Variants in CHLSN observed in about 807,000 individuals in gnomAD.
CHLSN encodes the protein protein cholesin.
At chr7:1,058,563 C>A in the CHLSN span, 1 of 735,472 alleles carries the variant, frequency 1.4e-6, no homozygotes, top group South Asian at 1.5e-5. Flanking sequence ...GGACGCAGAG[C>A]ACTTAGTTAC....
the CHLSN span, among the ~76,000 whole-genome samples, chr7:1,039,236 G>T: frequency 4.9e-5 from 2 of 40,780 alleles, no homozygotes; most frequent in Non-Finnish European, 8.6e-5. Flanking sequence ...GGAGGGAGGT[G>T]GGGGGGGTCA....
chr7:1,093,387 A>T, the CHLSN span: 1 of 445,334 alleles, frequency 2.2e-6, no homozygotes, highest in Admixed American at 2.4e-5. Flanking sequence ...CGCCGAGTTA[A>T]AGAGGAGAAG....
At chr7:1,011,271 AC>A in the CHLSN span, among the ~76,000 whole-genome samples, 1 of 122,404 alleles carries the variant, frequency 8.2e-6, no homozygotes, top group Non-Finnish European at 1.7e-5. Context: ...ACACACCCAC[AC>A]CCAGATACCC....
chr7:992,334 A>C, the CHLSN span, among the ~76,000 whole-genome samples: 2 of 152,112 alleles, frequency 1.3e-5, no homozygotes, highest in South Asian at 4.1e-4. Context: ...GCAAAACAAA[A>C]CCACACAGTC....
the CHLSN span, among the ~76,000 whole-genome samples, chr7:1,085,837 A>G: frequency 8.5e-5 from 13 of 152,196 alleles, no homozygotes; most frequent in African/African-American, 3.1e-4. Flanking sequence ...TGTCTCAAAA[A>G]AAAAAAAAGA....
chr7:1,023,751 G>A, the CHLSN span, among the ~76,000 whole-genome samples: 2 of 152,142 alleles, frequency 1.3e-5, no homozygotes, highest in African/African-American at 2.4e-5. This position sits in a 1 kb window ranked among gnomAD's most constrained non-coding sequence, Gnocchi z 5.0. Context: ...AGGATCTCCA[G>A]GGGTGACTGC....
the CHLSN span, among the ~76,000 whole-genome samples, chr7:1,089,406 G>A: frequency 2.2e-5 from 3 of 138,624 alleles, no homozygotes; most frequent in Admixed American, 7.2e-5. Flanking sequence ...GCTCAGGCTC[G>A]AGTGCAGTGG....
the CHLSN span, among the ~76,000 whole-genome samples, chr7:1,073,841 C>T: frequency 5.3e-4 from 39 of 73,748 alleles, 1 homozygote; most frequent in African/African-American, 2.2e-3. Flanking sequence ...CCGTGATGTT[C>T]CCCCAACCCT....
chr7:1,093,831 T>C, the CHLSN span: 1 of 334,918 alleles, frequency 3.0e-6, no homozygotes, highest in Admixed American at 3.6e-5. Flanking sequence ...GGCTCTGTCT[T>C]GGGGGTCTGC....
the CHLSN span, among the ~76,000 whole-genome samples, chr7:1,002,866 G>A: frequency 2.0e-5 from 2 of 102,104 alleles, no homozygotes; most frequent in African/African-American, 4.2e-5. Flanking sequence ...GTGGGTGAGT[G>A]GAGTCCTGTG....
chr7:979,454 A>T, the CHLSN span, among the ~76,000 whole-genome samples: 2 of 152,056 alleles, frequency 1.3e-5, no homozygotes, highest in African/African-American at 4.8e-5. Flanking sequence ...TATCTTTTTA[A>T]AAAACGCAGT....
the CHLSN span, among the ~76,000 whole-genome samples, chr7:1,076,421 C>T: frequency 6.6e-6 from 1 of 152,140 alleles, no homozygotes; most frequent in East Asian, 1.9e-4. Flanking sequence ...GGAGCACCTC[C>T]CTCCCAGGCA....
At chr7:1,085,857 C>T in the CHLSN span, among the ~76,000 whole-genome samples, 1 of 151,834 alleles carries the variant, frequency 6.6e-6, no homozygotes, top group African/African-American at 2.4e-5. Flanking sequence ...ATTTAAAAAT[C>T]GGCAAAAGGT....
At chr7:1,014,435 C>T in the CHLSN span, among the ~76,000 whole-genome samples, 22 of 152,390 alleles carry the variant, frequency 1.4e-4, no homozygotes, top group African/African-American at 5.0e-4. Flanking sequence ...CCGCCCACCC[C>T]ACCCGTCCAT....
the CHLSN span, among the ~76,000 whole-genome samples, chr7:1,011,546 C>T: frequency 6.6e-6 from 1 of 151,118 alleles, no homozygotes; most frequent in African/African-American, 2.4e-5. Flanking sequence ...CACCCACAAA[C>T]ACCCAGATAC....
chr7:1,095,549 G>A, the CHLSN span, among the ~76,000 whole-genome samples: 781 of 152,352 alleles, frequency 5.1e-3, 4 homozygotes, highest in African/African-American at 0.018. Flanking sequence ...AGGGGCAAGG[G>A]CAGACGCTTT....
the CHLSN span, among the ~76,000 whole-genome samples, chr7:1,065,296 C>T: frequency 6.6e-6 from 1 of 152,250 alleles, no homozygotes; most frequent in Non-Finnish European, 1.5e-5. Flanking sequence ...CATCTGTCCC[C>T]GCTGTCCCAA....
At chr7:1,088,978 G>A in the CHLSN span, among the ~76,000 whole-genome samples, 16 of 151,972 alleles carry the variant, frequency 1.1e-4, no homozygotes, top group Admixed American at 5.2e-4. The surrounding 1 kb of genome is among the most constrained non-coding windows in gnomAD (Gnocchi z 4.5). Flanking sequence ...TGAATGACTC[G>A]TTTTTAAACT....
chr7:989,158 G>T, the CHLSN span: 1 of 340,740 alleles, frequency 2.9e-6, no homozygotes, highest in African/African-American at 2.1e-5. Context: ...CTACAGCTGG[G>T]GCTGCAGGGA....
Sources: gnomAD v4.1 joint callset for allele counts (sites outside exome capture counted in the v4.1 genomes callset) on GRCh38, gnomAD v4.1.1 for gene constraint, Gnocchi (gnomAD v3.1) non-coding constraint, MANE v1.5 for transcripts, NCBI Gene and HGNC (gene_info 2026-07-23, HGNC 2026-07-21) for gene names.